CBR4: variants seen among roughly 807,000 people sequenced by gnomAD.
The protein encoded by CBR4 is carbonyl reductase 4.
A neutral mutation model predicts 21.0 loss-of-function variants in CBR4; 22 were observed. The observed-to-expected ratio is 1.05, with a 90% confidence interval of 0.75 to 1.50. The LOEUF (loss-of-function observed/expected upper bound fraction) is 1.50, where lower values mean the gene tolerates loss of function less well. CBR4 is among the 40% of genes most tolerant of loss of function. CBR4 has a pLI of 0.00. For synonymous variants in CBR4, 100 were observed against 104.4 expected (o/e 0.96, Z 0.26); for missense variants, 302 against 286.3 (o/e 1.05, Z -0.40).
At chr4:168,997,200 T>G (rs1430925815) in intron 4 of CBR4, among the ~76,000 whole-genome samples, 4 of 152,176 alleles carry the variant, frequency 2.6e-5, no homozygotes, top group African/African-American at 9.7e-5. Context: ...TGCTACTGCA[T>G]CACCTGGACA....
At chr4:168,910,680 G>A (rs1758749403) in intron 2 of CBR4, among the ~76,000 whole-genome samples, 1 of 152,020 alleles carries the variant, frequency 6.6e-6, no homozygotes, top group South Asian at 2.1e-4. Flanking sequence ...TAACTATATG[G>A]CCTTGTTTTA....
intron 2 of CBR4, among the ~76,000 whole-genome samples, chr4:168,967,508 T>A (rs958681006): frequency 6.6e-6 from 1 of 152,042 alleles, no homozygotes; most frequent in Non-Finnish European, 1.5e-5. Context: ...AGTATAATTT[T>A]AAAAAAACAG....
chr4:168,921,444 TGAA>T, intron 2 of CBR4: 1 of 744,802 alleles, frequency 1.3e-6, no homozygotes, highest in Non-Finnish European at 2.3e-6. Flanking sequence ...CTTGTACTAC[TGAA>T]GGAGGAATTT....
rs370839318 is a variant in CBR4 at position 168,990,117 on chromosome 4, G to T, written c.*33C>A. The T allele has an allele frequency of 4.6e-5, 69 of 1,502,802 alleles. No individual in the cohort carries two copies. The highest frequency in any genetic ancestry group is 6.1e-5 in the Non-Finnish European group (68 of 1,120,714). 93.1% of individuals were successfully genotyped at this position (1,502,802 alleles called of 1,614,324 possible). On this transcript the variant is annotated 3_prime_UTR_variant, in exon 5 of 5. Transcript: ENST00000306193. ...TCAGTAGCCAAAGTGTGCCCTTGAT[G>T]CTAATCACCCCTATAACTGAATAAT...
intron 2 of CBR4, among the ~76,000 whole-genome samples, chr4:168,958,838 A>G (rs1157271268): frequency 1.3e-5 from 2 of 152,122 alleles, no homozygotes; most frequent in African/African-American, 4.8e-5. Flanking sequence ...AATTACTCAG[A>G]TATCTTTTGT....
Position 168,990,347 on chromosome 4 carries a change from T to A in CBR4, c.536-19A>T, listed in dbSNP as rs772431882. 1 of 1,566,688 alleles carries A rather than the reference T, an allele frequency of 6.4e-7. No homozygotes were observed. Among genetic ancestry groups the A allele is most frequent in the Admixed American group, 1.9e-5 (1 of 54,002 alleles). ...ACAAATCCTAAAAGAGAAATGTTTG[T>A]TTAGTTGAAAAGGGTACACACTAAG... On this transcript the variant is annotated intron_variant, in intron 4 of 4. Coordinates refer to ENST00000306193, the MANE Select transcript of CBR4 (RefSeq NM_032783.5).
At chr4:169,008,589 CCAAT>C (rs1236793934) in intron 1 of CBR4, among the ~76,000 whole-genome samples, 2 of 152,164 alleles carry the variant, frequency 1.3e-5, no homozygotes, top group Non-Finnish European at 2.9e-5. Context: ...TAGATGAAAA[CCAAT>C]CACTCATGGA....
At position 168,989,141 on chromosome 4, in the gene CBR4, T is replaced by C. The variant is rs1481875334; in HGVS notation, c.*1009A>G. The stretch of plus-strand genomic sequence containing the variant: ...CATATTTATTTATTTTTTATGCTTA[T>C]TCATACAGAATTTATTACTTTCTAG... On this transcript the variant is annotated 3_prime_UTR_variant, in exon 5 of 5. Transcript: ENST00000306193. The C allele has an allele frequency of 1.0e-6, 1 of 967,698 alleles. No homozygotes were observed. The highest frequency in any genetic ancestry group is 6.2e-5 in the Admixed American group (1 of 16,252). The allele number at this position is 967,698 out of a possible 1,614,324, so 59.9% of individuals were successfully genotyped here. A position where few individuals can be genotyped will look rare whatever the true frequency, so the allele number is the denominator to read the frequency against.
chr4:169,002,475 G>GAAGGGGAT, intron 3 of CBR4, among the ~76,000 whole-genome samples: 1 of 152,318 alleles, frequency 6.6e-6, no homozygotes, highest in East Asian at 1.9e-4. Context: ...TTCACTACGT[G>GAAGGGGAT]AAGGGGATGC....
intron 2 of CBR4, chr4:168,924,136 TG>T: frequency 2.4e-6 from 2 of 838,224 alleles, no homozygotes; most frequent in Non-Finnish European, 4.0e-6. Context: ...TCTTACCACC[TG>T]GAGTAAAAAA....
At chr4:169,001,931 C>A in intron 4 of CBR4, 140 bp downstream of exon 4, 1 of 850,040 alleles carries the variant, frequency 1.2e-6, no homozygotes, top group Non-Finnish European at 1.7e-6. Flanking sequence ...TTTTTTGAGT[C>A]CCCCAGTTCA....
chr4:168,967,802 G>T (rs1047883389), intron 2 of CBR4, among the ~76,000 whole-genome samples: 1 of 152,176 alleles, frequency 6.6e-6, no homozygotes, highest in Non-Finnish European at 1.5e-5. Context: ...CTAGAGTGCT[G>T]TTGAGTTTGA....
intron 2 of CBR4, among the ~76,000 whole-genome samples, chr4:168,974,307 A>G (rs148878816): frequency 1.8e-3 from 272 of 152,252 alleles, no homozygotes; most frequent in African/African-American, 6.3e-3. Flanking sequence ...TCCTTTATAG[A>G]TTACCTGATG....
chr4:169,000,568 C>T lies in CBR4; in HGVS notation c.535+1503G>A, dbSNP rs371864749. Reference sequence around the variant, plus strand: ...GAAAGGTAGCAAAGGTCTACTTCAGCCCTCTCTTTCTTACAAAGGACCAGC... The same window carrying T: ...GAAAGGTAGCAAAGGTCTACTTCAGTCCTCTCTTTCTTACAAAGGACCAGC... On this transcript the variant is annotated intron_variant, in intron 4 of 4. Transcript: ENST00000306193. 4.6e-5 allele frequency among the ~76,000 whole-genome samples: 7 copies of T among 152,254 alleles called. No homozygotes were observed. In the South Asian group the frequency reaches 1.5e-3, roughly 32 times the overall value.
chr4:169,007,803 A>G, intron 1 of CBR4, 47 bp from the exon 2 acceptor site: 1 of 1,366,980 alleles, frequency 7.3e-7, no homozygotes, highest in Non-Finnish European at 1.0e-6. Context: ...CAAATTTTAA[A>G]TTTACTCAAT....
intron 2 of CBR4, among the ~76,000 whole-genome samples, chr4:168,916,439 G>A (rs1760103907): frequency 6.6e-6 from 1 of 151,750 alleles, no homozygotes; most frequent in Non-Finnish European, 1.5e-5. Context: ...GCTTAAGGGG[G>A]GGAAAAAGTG....
At chr4:168,975,969 G>A (rs1764359896) in intron 2 of CBR4, among the ~76,000 whole-genome samples, 1 of 152,188 alleles carries the variant, frequency 6.6e-6, no homozygotes, top group South Asian at 2.1e-4. Context: ...GTTATATCCA[G>A]TCAGCCAGCA....
chr4:168,929,889 T>G (rs1030274814), intron 2 of CBR4, among the ~76,000 whole-genome samples: 6 of 152,126 alleles, frequency 3.9e-5, no homozygotes, highest in African/African-American at 1.4e-4. Flanking sequence ...AAAGTAAAAT[T>G]TCAATTACAA....
intron 3 of CBR4, among the ~76,000 whole-genome samples, chr4:169,005,610 G>A: frequency 6.6e-6 from 1 of 152,190 alleles, no homozygotes; most frequent in Non-Finnish European, 1.5e-5. Flanking sequence ...ATATACCTCA[G>A]GTTATCAGGT....
Sources: allele counts gnomAD v4.1 joint callset (sites outside exome capture counted in the v4.1 genomes callset), GRCh38; gene constraint gnomAD v4.1.1; transcripts MANE v1.5; gene names NCBI Gene and HGNC (gene_info 2026-07-23, HGNC 2026-07-21).